Variants in SLC9C1 observed in about 807,000 individuals in gnomAD.
SLC9C1 encodes solute carrier family 9 member C1.
SLC9C1 carries 97 observed loss-of-function variants against 140.9 expected under a neutral mutation model. The observed-to-expected ratio is 0.69, with a 90% CI of 0.58 to 0.82. SLC9C1 has a LOEUF of 0.82. Ranked by LOEUF, SLC9C1 falls within the 40% of genes least tolerant of loss-of-function variation. The pLI is 0.00. For missense variants in SLC9C1, 1,340 were observed against 1,389.3 expected, an observed-to-expected ratio of 0.96 and a Z score of 0.56; for synonymous variants, 440 against 442.6, an observed-to-expected ratio of 0.99 and a Z score of 0.07.
chr3:112,202,581 A>G (rs1252095610), intron 17 of SLC9C1, among the ~76,000 whole-genome samples, 182 bp from the exon 18 acceptor site: 1 of 151,868 alleles, frequency 6.6e-6, no homozygotes, highest in African/African-American at 2.4e-5. Flanking sequence ...GACTATAGCT[A>G]TTTCCCTATA....
At chr3:112,185,917 C>T in intron 20 of SLC9C1, 6 of 1,575,758 alleles carry the variant, frequency 3.8e-6, no homozygotes, top group Non-Finnish European at 5.1e-6. Flanking sequence ...TACCGCCCCG[C>T]CGGGAAATAG....
intron 14 of SLC9C1, 117 bp downstream of exon 14, chr3:112,221,011 T>A (rs530115126): frequency 1.4e-6 from 1 of 722,626 alleles, no homozygotes; most frequent in Admixed American, 2.6e-5. Flanking sequence ...AATACTATAG[T>A]ATTAATATTA....
At chr3:112,266,210 A>G in intron 8 of SLC9C1, 28 bp downstream of exon 8, 1 of 1,470,574 alleles carries the variant, frequency 6.8e-7, no homozygotes, top group Non-Finnish European at 9.5e-7. Flanking sequence ...AGTGTATGAA[A>G]TAAAGTCAAA....
At chr3:112,165,647 G>A (rs956685019) in intron 26 of SLC9C1, among the ~76,000 whole-genome samples, 1 of 152,196 alleles carries the variant, frequency 6.6e-6, no homozygotes, top group African/African-American at 2.4e-5. Context: ...TCTCAGAGGA[G>A]TACCTAGCCA....
At position 112,280,734 on chromosome 3, in the gene SLC9C1, T is replaced by C. The variant is rs2080335417; in HGVS notation, c.138A>G (p.Ile46Met). ...LEDFPIPVPVILFLLGCSFEV... is the reference protein window; with the variant it reads ...LEDFPIPVPVMLFLLGCSFEV... ...CAAAACTGCATCCAAGTAAAAATAA[T>C]ATCACAGGGACAGGAATTGGAAAGT... The change falls in exon 3 of 29, where the codon ATA becomes ATG. Residue 46 changes from isoleucine (I) to methionine (M), a missense_variant. Transcript: ENST00000305815. 1 of 1,612,136 alleles carries C rather than the reference T, an allele frequency of 6.2e-7. No individual in the cohort carries two copies. Among genetic ancestry groups the C allele is most frequent in the Non-Finnish European group, 8.5e-7 (1 of 1,179,534 alleles).
At chr3:112,177,751 A>AC (rs1307729575) in intron 23 of SLC9C1, among the ~76,000 whole-genome samples, 2 of 150,476 alleles carry the variant, frequency 1.3e-5, no homozygotes, top group Non-Finnish European at 3.0e-5. Context: ...AATAGAAAAA[A>AC]AATCACATTT....
At chr3:112,174,809 G>A (rs1369740754) in intron 23 of SLC9C1, among the ~76,000 whole-genome samples, 1 of 152,220 alleles carries the variant, frequency 6.6e-6, no homozygotes, top group Non-Finnish European at 1.5e-5. Flanking sequence ...ATGCTGGGCT[G>A]TCTTTGATTG....
chr3:112,276,545 T>C (rs1387448283), intron 5 of SLC9C1, among the ~76,000 whole-genome samples: 3 of 151,996 alleles, frequency 2.0e-5, no homozygotes, highest in Non-Finnish European at 4.4e-5. Flanking sequence ...AGAAACAAAA[T>C]TCTGAAAGTA....
chr3:112,206,856 TG>T (rs202179656), intron 16 of SLC9C1, among the ~76,000 whole-genome samples: 995 of 38,672 alleles, frequency 0.026, 11 homozygotes, highest in African/African-American at 0.075. Context: ...GGTCGGGGGC[TG>T]GGGGGAGGGA....
At position 112,264,286 on chromosome 3, in the gene SLC9C1, A is replaced by C; in HGVS notation, c.936T>G (p.Leu312=). ...ACAAATATGTATGTGCAGGAATTAG[A>C]AGTCCAAAGAAAGTAAACACCATGA... The part of the protein sequence containing the change: ...AFLMVFTFFG[L]LIPAHTYLYI... Residue 312 remains leucine (L), a synonymous_variant, in exon 9 of 29, where the codon CTT becomes CTG. Transcript: ENST00000305815. 1.3e-6 allele frequency: 2 copies of C among 1,482,136 alleles called. No individual in the cohort carries two copies. The highest frequency in any genetic ancestry group is 5.3e-5 in the East Asian group (2 of 37,636). The allele number at this position is 1,482,136 out of a possible 1,614,324, so 91.8% of individuals were successfully genotyped here. A position where few individuals can be genotyped will look rare whatever the true frequency, so the allele number is the denominator to read the frequency against.
chr3:112,259,850 ATTATG>A (rs930518995), intron 10 of SLC9C1, among the ~76,000 whole-genome samples: 16 of 152,292 alleles, frequency 1.1e-4, no homozygotes, highest in African/African-American at 3.4e-4. Context: ...TTCACTATTA[ATTATG>A]TTGTTACCTA....
chr3:112,255,816 T>C lies in SLC9C1; in HGVS notation c.1197+7108A>G, dbSNP rs185516992. ...GTGGTTCTTTTTATTTATGAAAAAA[T>C]TAATAAGACAGATAAGCTTCTAGCT... On this transcript the variant is annotated intron_variant, in intron 10 of 28. Coordinates refer to ENST00000305815, the MANE Select transcript of SLC9C1 (RefSeq NM_183061.3). Among the ~76,000 whole-genome samples, 77 of 151,818 alleles carry C rather than the reference T, an allele frequency of 5.1e-4. 1 individual carries two copies. Among genetic ancestry groups the C allele is most frequent in the African/African-American group, 1.9e-3 (77 of 41,430 alleles).
chr3:112,268,496 T>C (rs1473249489), intron 7 of SLC9C1, among the ~76,000 whole-genome samples: 1 of 152,238 alleles, frequency 6.6e-6, no homozygotes, highest in South Asian at 2.1e-4. Context: ...TATTCATTGA[T>C]ATTTTATAAC....
chr3:112,279,694 T>C (rs544211284), intron 3 of SLC9C1, among the ~76,000 whole-genome samples: 7 of 152,336 alleles, frequency 4.6e-5, no homozygotes, highest in Admixed American at 4.6e-4. Context: ...AGCTTACATT[T>C]CTTCTCCTGT....
chr3:112,180,213 C>T (rs1560035868), intron 22 of SLC9C1, among the ~76,000 whole-genome samples: 2 of 152,180 alleles, frequency 1.3e-5, no homozygotes, highest in Non-Finnish European at 2.9e-5. Context: ...CTTATGATCA[C>T]AAGTGCATTT....
At chr3:112,164,346 G>T (rs199840853) in intron 26 of SLC9C1, among the ~76,000 whole-genome samples, 1 of 143,958 alleles carries the variant, frequency 6.9e-6, no homozygotes, top group Non-Finnish European at 1.5e-5. Flanking sequence ...GCTCGTTAGT[G>T]GATGCAGTTT....
chr3:112,238,678 C>T (rs1181486861), intron 12 of SLC9C1, among the ~76,000 whole-genome samples: 2 of 152,224 alleles, frequency 1.3e-5, no homozygotes, highest in Non-Finnish European at 2.9e-5. Flanking sequence ...TTCTAACAGG[C>T]AGGACCCTCA....
intron 14 of SLC9C1, among the ~76,000 whole-genome samples, chr3:112,218,174 GTTTT>G (rs61498352): frequency 4.2e-5 from 6 of 143,368 alleles, no homozygotes; most frequent in East Asian, 2.0e-4. Context: ...TTTCTGCTAG[GTTTT>G]TTTTTTTTTT....
chr3:112,208,607 C>A (rs557546043), intron 15 of SLC9C1, among the ~76,000 whole-genome samples: 2 of 152,086 alleles, frequency 1.3e-5, no homozygotes, highest in Non-Finnish European at 2.9e-5. Context: ...TCTCTCCCTC[C>A]TTAAATCTCA....
Sources: gnomAD v4.1 joint callset for allele counts (sites outside exome capture counted in the v4.1 genomes callset) on GRCh38, gnomAD v4.1.1 for gene constraint, MANE v1.5 for transcripts, NCBI Gene and HGNC (gene_info 2026-07-23, HGNC 2026-07-21) for gene names.